TMEM232: variants seen among roughly 807,000 people sequenced by gnomAD.
TMEM232 encodes transmembrane protein 232.
A neutral mutation model predicts 78.8 loss-of-function variants in TMEM232; 80 were observed. The observed-to-expected ratio is 1.01, with a 90% CI of 0.85 to 1.22. The LOEUF is 1.22. TMEM232 is among the 50% of genes most tolerant of loss of function. The pLI is 0.00. For synonymous variants in TMEM232, 297 were observed against 254.3 expected (o/e 1.17, Z -1.60); for missense variants, 881 against 742.2 (o/e 1.19, Z -2.17).
chr5:110,467,012 A>C (rs2149366165), intron 12 of TMEM232, among the ~76,000 whole-genome samples: 1 of 152,196 alleles, frequency 6.6e-6, no homozygotes, highest in East Asian at 1.9e-4. Flanking sequence ...TGATAGAAAA[A>C]GGGATCATTG....
chr5:110,427,614 G>A (rs1253327822), intron 12 of TMEM232, among the ~76,000 whole-genome samples: 4 of 151,802 alleles, frequency 2.6e-5, no homozygotes, highest in Non-Finnish European at 4.4e-5. Context: ...TCATAGTTCT[G>A]GAGGAAAAAA....
chr5:110,454,946 A>G (rs979692156), intron 12 of TMEM232, among the ~76,000 whole-genome samples: 6 of 151,986 alleles, frequency 3.9e-5, no homozygotes, highest in Admixed American at 2.6e-4. Flanking sequence ...AGCCAGACCT[A>G]CCAACCAAAA....
chr5:110,424,728 A>G, intron 13 of TMEM232, 95 bp downstream of exon 13: 1 of 958,210 alleles, frequency 1.0e-6, no homozygotes, highest in Non-Finnish European at 1.5e-6. Flanking sequence ...TAAATTTCAC[A>G]TATTAAGGTT....
chr5:110,584,073 T>C (rs900909907), intron 10 of TMEM232, among the ~76,000 whole-genome samples: 6 of 151,704 alleles, frequency 4.0e-5, no homozygotes, highest in African/African-American at 1.5e-4. Flanking sequence ...GTATTACTGC[T>C]ACAGAAAACA....
rs138167386 is a variant in TMEM232, at chr5:110,623,558, G to A, written c.768+1709C>T. Among the ~76,000 whole-genome samples, 5 of 152,144 alleles carry A rather than the reference G, an allele frequency of 3.3e-5. No homozygotes were observed. The East Asian group carries it at 9.7e-4, about 29-fold the overall frequency. On this transcript the variant is annotated intron_variant, in intron 7 of 13. Coordinates refer to ENST00000455884, the MANE Select transcript of TMEM232 (RefSeq NM_001039763.4). ...TTTTTTCCTCTTTCCTTTCCCAGGT[G>A]AGAGAGATGGGTATTGAATGAGTAA... is the stretch of plus-strand genomic sequence containing the variant.
At chr5:110,557,304 T>C (rs1353319910) in intron 11 of TMEM232, among the ~76,000 whole-genome samples, 1 of 152,054 alleles carries the variant, frequency 6.6e-6, no homozygotes, top group Non-Finnish European at 1.5e-5. Flanking sequence ...ATTTCTTAGA[T>C]AGGATTTCAA....
intron 12 of TMEM232, among the ~76,000 whole-genome samples, chr5:110,483,441 T>A (rs1437355526): frequency 6.6e-6 from 1 of 152,126 alleles, no homozygotes; most frequent in Non-Finnish European, 1.5e-5. Flanking sequence ...GTAAATATGT[T>A]CAACCATTTT....
intron 12 of TMEM232, among the ~76,000 whole-genome samples, chr5:110,471,660 C>A (rs1279437041): frequency 6.6e-6 from 1 of 151,182 alleles, no homozygotes; most frequent in East Asian, 1.9e-4. Flanking sequence ...GCCAAGAATT[C>A]TATACCTAGC....
intron 12 of TMEM232, among the ~76,000 whole-genome samples, chr5:110,517,735 T>C (rs1768883925): frequency 6.6e-6 from 1 of 152,236 alleles, no homozygotes; most frequent in Non-Finnish European, 1.5e-5. Flanking sequence ...GGAGACATTC[T>C]AAATTTAATT....
chr5:110,494,204 A>C (rs1765411920), intron 12 of TMEM232, among the ~76,000 whole-genome samples: 1 of 152,102 alleles, frequency 6.6e-6, no homozygotes, highest in African/African-American at 2.4e-5. Context: ...GTTCAACCTC[A>C]TTAAAACCAT....
At chr5:110,677,977 CT>C (rs201841828) in intron 1 of TMEM232, among the ~76,000 whole-genome samples, 1,785 of 152,266 alleles carry the variant, frequency 0.012, 46 homozygotes, top group African/African-American at 0.04. Flanking sequence ...AGAAAGATTA[CT>C]GGTCACATTA....
At chr5:110,635,579 AC>A (rs1785696333) in intron 5 of TMEM232, among the ~76,000 whole-genome samples, 1 of 152,024 alleles carries the variant, frequency 6.6e-6, no homozygotes, top group Admixed American at 6.6e-5. Flanking sequence ...AAGAACAAAA[AC>A]CGTATGATCA....
intron 1 of TMEM232, among the ~76,000 whole-genome samples, chr5:110,693,364 C>T (rs1316579274): frequency 6.6e-6 from 1 of 152,140 alleles, no homozygotes; most frequent in African/African-American, 2.4e-5. Flanking sequence ...AAAAACAGAG[C>T]AGAAAAACTG....
downstream of TMEM232, among the ~76,000 whole-genome samples, chr5:110,415,159 C>T (rs981928314): frequency 6.6e-6 from 1 of 150,992 alleles, no homozygotes; most frequent in African/African-American, 2.5e-5. Flanking sequence ...GTAAGGACAT[C>T]AAGCACCCTT....
In TMEM232 at chr5:110,638,681, A is replaced by G. The variant is rs1200852334; in HGVS notation, c.344-326T>C. On this transcript the variant is annotated intron_variant, in intron 4 of 13. Coordinates refer to ENST00000455884, the MANE Select transcript of TMEM232 (RefSeq NM_001039763.4). ...TCAAGATACTAGCTTTGGAACCCTA[A>G]GCTGCCATGTAGGAAGTTCAACTCC... Among the ~76,000 whole-genome samples the G allele has an allele frequency of 9.9e-5, 15 of 152,264 alleles. 1 individual carries two copies. In the East Asian group the frequency reaches 2.7e-3, roughly 28 times the overall value.
At chr5:110,539,913 C>T (rs1772884957) in intron 11 of TMEM232, among the ~76,000 whole-genome samples, 2 of 152,168 alleles carry the variant, frequency 1.3e-5, no homozygotes, top group South Asian at 2.1e-4. Context: ...GGTTTGGGAC[C>T]TCCCCATACC....
intron 10 of TMEM232, among the ~76,000 whole-genome samples, chr5:110,588,011 G>T (rs1779072506): frequency 6.6e-6 from 1 of 151,434 alleles, no homozygotes; most frequent in Non-Finnish European, 1.5e-5. Context: ...CCTTATTACT[G>T]AATACTTTCT....
At chr5:110,408,028 A>C (rs1755855928) in intron 2 of TMEM232, among the ~76,000 whole-genome samples, 1 of 152,140 alleles carries the variant, frequency 6.6e-6, no homozygotes, top group African/African-American at 2.4e-5. Flanking sequence ...TTTTTAAACA[A>C]ATGAAAATGG....
At chr5:110,432,962 A>T (rs1371560828) in intron 12 of TMEM232, among the ~76,000 whole-genome samples, 1 of 151,816 alleles carries the variant, frequency 6.6e-6, no homozygotes, top group Non-Finnish European at 1.5e-5. Context: ...TGCACTCAAT[A>T]TTGGAGCACC....
Sources: allele counts gnomAD v4.1 joint callset (sites outside exome capture counted in the v4.1 genomes callset), GRCh38; gene constraint gnomAD v4.1.1; transcripts MANE v1.5; gene names NCBI Gene and HGNC (gene_info 2026-07-23, HGNC 2026-07-21).